Variants in GLYATL1 observed in about 807,000 individuals in gnomAD.
The protein encoded by GLYATL1 is glycine N-acyltransferase-like protein 1.
GLYATL1 carries 15 observed loss-of-function variants against 20.0 expected under a neutral mutation model. That is an observed-to-expected ratio of 0.75 (90% CI 0.50 to 1.15). The LOEUF (loss-of-function observed/expected upper bound fraction) is 1.15, where lower values mean the gene tolerates loss of function less well. Ranked by LOEUF, GLYATL1 falls within the 50% of genes most tolerant of loss-of-function variation. The pLI is 0.00. For missense variants in GLYATL1, 380 were observed against 368.5 expected (o/e 1.03, Z -0.26); for synonymous variants, 151 against 131.5 (o/e 1.15, Z -1.01).
At chr11:58,914,676 T>C (rs1892866) in intron 1 of GLYATL1, among the ~76,000 whole-genome samples, 69,712 of 151,998 alleles carry the variant, frequency 0.46, 16,992 homozygotes, top group Non-Finnish European at 0.55. Flanking sequence ...GGTGATAGGA[T>C]TAACTCCCTT....
At chr11:58,909,901 G>C (rs1337282997), downstream of GLYATL1, among the ~76,000 whole-genome samples, 3 of 152,194 alleles carry the variant, frequency 2.0e-5, no homozygotes, top group Non-Finnish European at 2.9e-5. Context: ...TCAACGGCTT[G>C]TTTGTGTGTT....
Position 58,947,114 on chromosome 11 carries a change from G to C in GLYATL1, c.27G>C (p.Lys9Asn). 1.2e-6 allele frequency: 2 copies of C among 1,614,032 alleles called. No homozygotes were observed. The highest frequency in any genetic ancestry group is 1.7e-6 in the Non-Finnish European group (2 of 1,179,896). MILLNNSHKLLALYKSLAR... is the reference protein window; with the variant it reads MILLNNSHNLLALYKSLAR... ...TGATCCTACTGAATAACTCCCATAA[G>C]CTGCTGGCCCTATACAAATCCTTGG... The change falls in exon 3 of 7, where the codon AAG becomes AAC. Residue 9 changes from lysine (K) to asparagine (N), a missense_variant. Coordinates refer to ENST00000532726, the MANE Select transcript of GLYATL1 (RefSeq NM_001389712.2).
At chr11:58,907,056 G>T (rs1013562245) in intron 1 of GLYATL1, among the ~76,000 whole-genome samples, 1 of 152,188 alleles carries the variant, frequency 6.6e-6, no homozygotes, top group African/African-American at 2.4e-5. Context: ...AGGAAATGGG[G>T]ATCCCTAACA....
upstream of GLYATL1, among the ~76,000 whole-genome samples, chr11:58,922,903 T>C (rs1028820300): frequency 3.3e-5 from 5 of 152,204 alleles, no homozygotes; most frequent in Non-Finnish European, 5.9e-5. Flanking sequence ...GCCAATTGTT[T>C]CCCTATCTAT....
Position 58,955,798 on chromosome 11 carries a change from G to A in GLYATL1, c.680G>A (p.Cys227Tyr). Residue 227 changes from cysteine to tyrosine, a missense_variant, in exon 7 of 7, where the codon TGT (cysteine) becomes TAT (tyrosine). Coordinates refer to ENST00000532726, the MANE Select transcript of GLYATL1 (RefSeq NM_001389712.2). ...TCATGGGTAACCATGGACCCTTCTT[G>A]TGAAGTAGGAATGGCCTACAGCATG... ...PVSWVTMDPS[C>Y]EVGMAYSMEK... 6.2e-7 allele frequency: 1 copy of A among 1,614,196 alleles called. No individual in the cohort carries two copies. Among genetic ancestry groups the A allele is most frequent in the Non-Finnish European group, 8.5e-7 (1 of 1,180,028 alleles).
At chr11:58,921,082 T>C (rs759106179) in intron 1 of GLYATL1, among the ~76,000 whole-genome samples, 4 of 152,218 alleles carry the variant, frequency 2.6e-5, no homozygotes, top group East Asian at 1.9e-4. Flanking sequence ...CTTCTCCTAA[T>C]TGGCCTCCCA....
intron 1 of GLYATL1, among the ~76,000 whole-genome samples, chr11:58,919,990 T>G (rs949572148): frequency 3.3e-5 from 5 of 152,184 alleles, no homozygotes; most frequent in Non-Finnish European, 7.4e-5. Flanking sequence ...CCCAGTTTTT[T>G]GGGCAAACCA....
chr11:58,952,587 G>A (rs922827663), intron 4 of GLYATL1, among the ~76,000 whole-genome samples: 2 of 152,100 alleles, frequency 1.3e-5, no homozygotes, highest in African/African-American at 2.4e-5. Context: ...AAATACGGGG[G>A]TACATGTGCA....
intron 1 of GLYATL1, among the ~76,000 whole-genome samples, chr11:58,906,167 G>T (rs2134636275): frequency 6.6e-6 from 1 of 152,270 alleles, no homozygotes; most frequent in Admixed American, 6.5e-5. Flanking sequence ...GGCCGGCAGG[G>T]GCAGTAGACA....
chr11:58,945,319 G>T (rs500462), intron 2 of GLYATL1, among the ~76,000 whole-genome samples: 48,783 of 151,946 alleles, frequency 0.32, 8,407 homozygotes, highest in Non-Finnish European at 0.39. Context: ...AATGTTGATG[G>T]TAGGAATACA....
At chr11:58,954,483 G>T (rs1479784854) in intron 4 of GLYATL1, among the ~76,000 whole-genome samples, 2 of 152,112 alleles carry the variant, frequency 1.3e-5, no homozygotes, top group Non-Finnish European at 2.9e-5. Flanking sequence ...GGCATCTTAA[G>T]GCCTGGTGGA....
intron 4 of GLYATL1, among the ~76,000 whole-genome samples, chr11:58,948,748 T>A (rs1207278243): frequency 3.3e-5 from 5 of 152,264 alleles, no homozygotes; most frequent in Non-Finnish European, 7.3e-5. Flanking sequence ...TAGTGAATGT[T>A]ATCATCAGAA....
At chr11:58,913,085 G>A (rs1246455991), downstream of GLYATL1, among the ~76,000 whole-genome samples, 1 of 152,166 alleles carries the variant, frequency 6.6e-6, no homozygotes, top group Non-Finnish European at 1.5e-5. Context: ...GAGCAATGTA[G>A]CTGGGATCAA....
intron 1 of GLYATL1, among the ~76,000 whole-genome samples, chr11:58,919,604 G>A (rs1262552860): frequency 6.6e-6 from 1 of 152,116 alleles, no homozygotes; most frequent in East Asian, 1.9e-4. Context: ...TTCTCTGTCT[G>A]GGTGGGGAAA....
chr11:58,951,330 C>A (rs1258522208), intron 4 of GLYATL1, among the ~76,000 whole-genome samples: 1 of 151,950 alleles, frequency 6.6e-6, no homozygotes, highest in Non-Finnish European at 1.5e-5. Context: ...ATATAAATGT[C>A]TATTTTGTCG....
chr11:58,910,264 A>G (rs934965718), downstream of GLYATL1, among the ~76,000 whole-genome samples: 2 of 152,132 alleles, frequency 1.3e-5, no homozygotes, highest in Non-Finnish European at 2.9e-5. Context: ...TTCTTCTGTA[A>G]ATAAAGGAGA....
intron 1 of GLYATL1, chr11:58,928,488 C>G (rs1027460885): frequency 1.3e-5 from 2 of 152,254 alleles, no homozygotes; most frequent in Admixed American, 1.3e-4. Context: ...CTGCAGACCC[C>G]TGACTGTCCT....
chr11:58,920,254 TTCCTCCTGCAAC>T (rs1023518980), intron 1 of GLYATL1, among the ~76,000 whole-genome samples: 7 of 152,170 alleles, frequency 4.6e-5, no homozygotes, highest in African/African-American at 1.7e-4. Context: ...TTTAGTTTAT[TTCCTCCTGCAAC>T]TGCAGGAGGA....
upstream of GLYATL1, among the ~76,000 whole-genome samples, chr11:58,938,625 C>T (rs1398066566): frequency 6.6e-6 from 1 of 152,138 alleles, no homozygotes; most frequent in East Asian, 1.9e-4. Context: ...TAAGGCTAAA[C>T]CTTTGAGTTT....
Sources: allele counts gnomAD v4.1 joint callset (sites outside exome capture counted in the v4.1 genomes callset), GRCh38; gene constraint gnomAD v4.1.1; transcripts MANE v1.5; gene names NCBI Gene and HGNC (gene_info 2026-07-23, HGNC 2026-07-21).